LYRM1: variants seen among roughly 807,000 people sequenced by gnomAD.
LYRM1 encodes LYR motif-containing protein 1.
A neutral mutation model predicts 14.9 loss-of-function variants in LYRM1; 14 were observed. That is an observed-to-expected ratio of 0.94 (90% CI 0.62 to 1.47). The LOEUF (loss-of-function observed/expected upper bound fraction) is 1.47, where lower values mean the gene tolerates loss of function less well. LYRM1 is among the 40% of genes most tolerant of loss of function. The pLI is 0.00. For missense variants in LYRM1, 153 were observed against 149.9 expected, an observed-to-expected ratio of 1.02 and a Z score of -0.11; for synonymous variants, 43 against 56.2, an observed-to-expected ratio of 0.77 and a Z score of 1.05.
chr16:20,919,407 T>C (rs2083071860), intron 2 of LYRM1, among the ~76,000 whole-genome samples: 2 of 152,162 alleles, frequency 1.3e-5, no homozygotes, highest in African/African-American at 4.8e-5. Flanking sequence ...GGAATGTAAA[T>C]TGGTGTGAAC....
At chr16:20,904,119 G>T (rs932686146) in intron 1 of LYRM1, among the ~76,000 whole-genome samples, 104 of 152,152 alleles carry the variant, frequency 6.8e-4, no homozygotes, top group African/African-American at 2.3e-3. Flanking sequence ...TTCTTTGCCT[G>T]TTAAAATATG....
At chr16:20,910,296 T>C (rs185691928) in intron 1 of LYRM1, among the ~76,000 whole-genome samples, 279 of 152,334 alleles carry the variant, frequency 1.8e-3, no homozygotes, top group African/African-American at 6.6e-3. Flanking sequence ...CTAGATTTAA[T>C]AGGACACAAT....
chr16:20,919,808 C>T (rs901413903), intron 2 of LYRM1, among the ~76,000 whole-genome samples: 3 of 152,166 alleles, frequency 2.0e-5, no homozygotes, highest in Admixed American at 6.5e-5. Flanking sequence ...TTCACATATA[C>T]ATAGAATACC....
At chr16:20,904,964 G>T (rs3815019) in intron 1 of LYRM1, among the ~76,000 whole-genome samples, 40 of 152,228 alleles carry the variant, frequency 2.6e-4, no homozygotes, top group African/African-American at 9.2e-4. Context: ...AGAAGTATGC[G>T]CTGTGGTCTG....
At chr16:20,904,531 A>C (rs1318999804) in intron 1 of LYRM1, among the ~76,000 whole-genome samples, 2 of 152,122 alleles carry the variant, frequency 1.3e-5, no homozygotes, top group African/African-American at 4.8e-5. Flanking sequence ...TTTCTGTGTA[A>C]AAAGATGCTG....
intron 2 of LYRM1, among the ~76,000 whole-genome samples, chr16:20,918,381 G>A (rs536486901): frequency 4.6e-5 from 7 of 152,132 alleles, no homozygotes; most frequent in South Asian, 2.1e-4. Context: ...GGGAGTGGGC[G>A]GAAGAGGTAC....
chr16:20,901,980 T>C lies in LYRM1; in HGVS notation c.-1+1091T>C, dbSNP rs2082085061. Among the ~76,000 whole-genome samples, 1 of 152,114 alleles carries C rather than the reference T, an allele frequency of 6.6e-6. No homozygotes were observed. The highest frequency in any genetic ancestry group is 1.5e-5 in the Non-Finnish European group (1 of 68,006). The stretch of plus-strand genomic sequence containing the variant: ...CTCTACTAAAAATACAAAAATCAGC[T>C]GGGCGTAGTGGCACGCGCCTGTAAT... On this transcript the variant is annotated intron_variant, in intron 1 of 3. Transcript: ENST00000567954. This position sits in a 1 kb window ranked among gnomAD's most constrained non-coding sequence, Gnocchi z 4.6.
In LYRM1 at chr16:20,915,723, G is replaced by T. The variant is rs765242553; in HGVS notation, c.159+9G>T. 3.7e-6 allele frequency: 6 copies of T among 1,613,128 alleles called. No homozygotes were observed. Among genetic ancestry groups the T allele is most frequent in the Admixed American group, 1.7e-5 (1 of 59,918 alleles). ...TCCGGAAAAACAAAAATGTAAGTAG[G>T]CCCCACTTGGAGATTGTGCAGAGGA... is the stretch of plus-strand genomic sequence containing the variant. On this transcript the variant is annotated intron_variant, in intron 2 of 3. Transcript: ENST00000567954.
At chr16:20,921,534 G>C (rs2083188926) in intron 3 of LYRM1, 1 of 151,426 alleles carries the variant, frequency 6.6e-6, no homozygotes, top group East Asian at 1.9e-4. Context: ...CGAATAGGTG[G>C]AACTACAGTC....
Position 20,912,250 on chromosome 16 carries a change from A to AT in LYRM1, c.1-3301dup, listed in dbSNP as rs1296956686. On this transcript the variant is annotated intron_variant, in intron 1 of 3. Coordinates refer to ENST00000567954, the MANE Select transcript of LYRM1 (RefSeq NM_001128302.3). ...AGCCACTGCACGTGGCCTTAAATAA[A>AT]TTTTTGTTGGTATTTTTGGGTTTTT... 4.5e-4 allele frequency among the ~76,000 whole-genome samples: 66 copies of AT among 145,750 alleles called. 1 individual carries two copies. The highest frequency in any genetic ancestry group is 2.5e-5 in the African/African-American group (1 of 39,356).
rs1460290886 is a variant in LYRM1 at position 20,924,808 on chromosome 16, G to A, written c.*692G>A. 1 of 152,146 alleles carries A rather than the reference G, an allele frequency of 6.6e-6. No individual in the cohort carries two copies. Among genetic ancestry groups the A allele is most frequent in the African/African-American group, 2.4e-5 (1 of 41,410 alleles). 9.4% of individuals were successfully genotyped at this position (152,146 alleles called of 1,614,324 possible). On this transcript the variant is annotated 3_prime_UTR_variant, in exon 4 of 4. Transcript: ENST00000567954. ...TATTTTACGTTAACATAATTGAAAA[G>A]TACAAGGTCCAAGCTGGCTTTCAAA...
chr16:20,902,916 G>A (rs1359979363), intron 1 of LYRM1, among the ~76,000 whole-genome samples: 1 of 152,140 alleles, frequency 6.6e-6, no homozygotes, highest in African/African-American at 2.4e-5. Context: ...CTCACAAAAA[G>A]GGGCTTTTGT....
chr16:20,919,881 A>T (rs1050257369), intron 2 of LYRM1, among the ~76,000 whole-genome samples: 2 of 152,236 alleles, frequency 1.3e-5, no homozygotes, highest in African/African-American at 4.8e-5. Flanking sequence ...GGAATAGAGG[A>T]GTAAGAGGGA....
At chr16:20,911,441 T>A (rs1046051276) in intron 1 of LYRM1, among the ~76,000 whole-genome samples, 1 of 152,174 alleles carries the variant, frequency 6.6e-6, no homozygotes, top group Non-Finnish European at 1.5e-5. Context: ...TGCCTTTCCC[T>A]CCATAAGTTG....
chr16:20,919,585 G>A (rs960007482), intron 2 of LYRM1, among the ~76,000 whole-genome samples: 10 of 152,148 alleles, frequency 6.6e-5, no homozygotes, highest in Non-Finnish European at 1.2e-4. Flanking sequence ...GCAAAAAATT[G>A]GAAATAACTT....
rs147044976 is a variant in LYRM1 at position 20,924,520 on chromosome 16, CT to C, written c.*415del. On this transcript the variant is annotated 3_prime_UTR_variant, in exon 4 of 4. Coordinates refer to ENST00000567954, the MANE Select transcript of LYRM1 (RefSeq NM_001128302.3). ...GTACCACTCTCAGAATATTCTTAGG[CT>C]TTTTTTTTTTCAAGTTATAGATTTG... 2.8e-3 allele frequency: 404 copies of C among 145,250 alleles called. 1 individual carries two copies. The highest frequency in any genetic ancestry group is 0.018 in the South Asian group (83 of 4,594). The allele number at this position is 145,250 out of a possible 1,614,324, so 9.0% of individuals were successfully genotyped here.
intron 3 of LYRM1, among the ~76,000 whole-genome samples, chr16:20,922,965 A>C (rs1481640288): frequency 6.6e-6 from 1 of 152,064 alleles, no homozygotes; most frequent in Non-Finnish European, 1.5e-5. Context: ...AGGCCCAGAG[A>C]AGATGAGGTG....
chr16:20,913,036 A>G (rs1356427008), intron 1 of LYRM1, among the ~76,000 whole-genome samples: 2 of 151,496 alleles, frequency 1.3e-5, no homozygotes, highest in African/African-American at 2.4e-5. Context: ...ATTGCACTCC[A>G]GCCTGGGCAA....
chr16:20,915,552 G>A lies in LYRM1; in HGVS notation c.1-4G>A. The A allele has an allele frequency of 6.2e-7, 1 of 1,613,634 alleles. No individual in the cohort carries two copies. Among genetic ancestry groups the A allele is most frequent in the Non-Finnish European group, 8.5e-7 (1 of 1,179,814 alleles). ...TTCCCTCTTCTATTTTGGTGGGTCT[G>A]AAGATGACAACGGCAACACGACAAG... On this transcript the variant is annotated splice_polypyrimidine_tract_variant and splice_region_variant and intron_variant, in intron 1 of 3. Transcript: ENST00000567954.
Sources: allele counts gnomAD v4.1 joint callset (sites outside exome capture counted in the v4.1 genomes callset), GRCh38; gene constraint gnomAD v4.1.1; non-coding constraint Gnocchi (gnomAD v3.1); transcripts MANE v1.5; gene names NCBI Gene and HGNC (gene_info 2026-07-23, HGNC 2026-07-21).